PCDH15: variants seen among roughly 807,000 people sequenced by gnomAD.
The protein encoded by PCDH15 is protocadherin-15.
A neutral mutation model predicts 178.5 loss-of-function variants in PCDH15; 129 were observed. The ratio of observed to expected loss-of-function variants is 0.72; its 90% CI spans 0.63 to 0.84. The LOEUF is 0.84. Ranked by LOEUF, PCDH15 falls within the 40% of genes least tolerant of loss-of-function variation. PCDH15 has a pLI of 0.00. For missense variants in PCDH15, 2,230 were observed against 2,099.9 expected, an observed-to-expected ratio of 1.06 and a Z score of -1.21; for synonymous variants, 800 against 732.0, an observed-to-expected ratio of 1.09 and a Z score of -1.50.
chr10:55,146,179 G>A (rs1190171996), intron 2 of PCDH15, among the ~76,000 whole-genome samples: 2 of 152,020 alleles, frequency 1.3e-5, no homozygotes, highest in South Asian at 2.1e-4. Context: ...AGCAATCCTC[G>A]TGGTTAACAG....
chr10:53,892,314 T>C (rs2081628113), intron 26 of PCDH15, among the ~76,000 whole-genome samples: 1 of 152,102 alleles, frequency 6.6e-6, no homozygotes, highest in African/African-American at 2.4e-5. Context: ...CGTGAGCCAC[T>C]GGGACCGGCC....
chr10:54,093,636 C>T (rs919278908), intron 15 of PCDH15, among the ~76,000 whole-genome samples: 2 of 152,134 alleles, frequency 1.3e-5, no homozygotes, highest in Non-Finnish European at 2.9e-5. Flanking sequence ...ATAAATCTAA[C>T]CAGCCATCTC....
chr10:55,067,696 C>A (rs1841602236), intron 2 of PCDH15, among the ~76,000 whole-genome samples: 1 of 146,282 alleles, frequency 6.8e-6, no homozygotes, highest in African/African-American at 2.6e-5. Flanking sequence ...TACTAATTTA[C>A]ATTACCACCA....
chr10:54,651,801 G>C (rs979393496), intron 2 of PCDH15, among the ~76,000 whole-genome samples: 1 of 152,172 alleles, frequency 6.6e-6, no homozygotes, highest in Admixed American at 6.5e-5. Context: ...ACTGCCCAGA[G>C]ATAGTTATAC....
chr10:54,707,447 T>A (rs1265434951), intron 1 of PCDH15, among the ~76,000 whole-genome samples: 1 of 152,174 alleles, frequency 6.6e-6, no homozygotes, highest in Non-Finnish European at 1.5e-5. Context: ...AAACAACTAC[T>A]TCTGTCCAGT....
intron 21 of PCDH15, among the ~76,000 whole-genome samples, chr10:53,979,137 T>C (rs971467440): frequency 2.0e-5 from 3 of 152,302 alleles, no homozygotes; most frequent in African/African-American, 7.2e-5. Flanking sequence ...CACACTGCTA[T>C]GGGGACATAC....
chr10:54,206,640 T>G (rs2134031112), intron 10 of PCDH15, among the ~76,000 whole-genome samples: 1 of 152,194 alleles, frequency 6.6e-6, no homozygotes, highest in African/African-American at 2.4e-5. Flanking sequence ...AAAAAATCAT[T>G]AACATAAAAA....
chr10:54,839,022 C>A (rs1953370761), intron 3 of PCDH15, among the ~76,000 whole-genome samples: 1 of 152,108 alleles, frequency 6.6e-6, no homozygotes, highest in Non-Finnish European at 1.5e-5. Flanking sequence ...CCCTGAGAAT[C>A]CAACAAGAAG....
At chr10:55,059,507 A>G (rs2131997367) in intron 2 of PCDH15, among the ~76,000 whole-genome samples, 1 of 152,280 alleles carries the variant, frequency 6.6e-6, no homozygotes, top group South Asian at 2.1e-4. Context: ...TAAACAAAAT[A>G]CATTATTTGA....
At chr10:54,695,232 A>G (rs1185637845) in intron 1 of PCDH15, among the ~76,000 whole-genome samples, 1 of 152,144 alleles carries the variant, frequency 6.6e-6, no homozygotes, top group African/African-American at 2.4e-5. Flanking sequence ...AAAACAAAAC[A>G]GTCTGATTGT....
intron 2 of PCDH15, among the ~76,000 whole-genome samples, chr10:54,939,218 GGCGTGGTGGCTCACGCCC>G (rs1448256482): frequency 6.6e-6 from 1 of 151,848 alleles, no homozygotes; most frequent in African/African-American, 2.4e-5. Context: ...ATGTAGGCCG[GGCGTGGTGGCTCACGCCC>G]GTAATCCCAG....
At chr10:54,991,100 T>C (rs998475697) in intron 2 of PCDH15, among the ~76,000 whole-genome samples, 3 of 152,192 alleles carry the variant, frequency 2.0e-5, no homozygotes, top group African/African-American at 4.8e-5. Flanking sequence ...TTACATTCTA[T>C]TGGACATGAT....
At chr10:53,971,645 C>T (rs1398005203) in intron 21 of PCDH15, among the ~76,000 whole-genome samples, 2 of 151,798 alleles carry the variant, frequency 1.3e-5, no homozygotes, top group Non-Finnish European at 2.9e-5. Flanking sequence ...ACACCGATAA[C>T]AGACAAACAG....
At chr10:55,276,231 A>C (rs1220425631) in intron 1 of PCDH15, among the ~76,000 whole-genome samples, 2 of 150,878 alleles carry the variant, frequency 1.3e-5, no homozygotes, top group African/African-American at 2.4e-5. Context: ...AACTCTTAAG[A>C]TTCTCTAATA....
intron 2 of PCDH15, among the ~76,000 whole-genome samples, chr10:55,410,116 G>A (rs1838296501): frequency 6.6e-6 from 1 of 151,984 alleles, no homozygotes; most frequent in South Asian, 2.1e-4. Flanking sequence ...TATTATTATA[G>A]CTGATTTTTT....
At position 53,849,482 on chromosome 10, in the gene PCDH15, C is replaced by T. The variant is rs558145948; in HGVS notation, c.3806+7693G>A. Among the ~76,000 whole-genome samples, 3 of 152,172 alleles carry T rather than the reference C, an allele frequency of 2.0e-5. No homozygotes were observed. The South Asian group carries it at 6.2e-4, about 32-fold the overall frequency. ...ACATGTCAGCATACAGGACCCTTTA[C>T]GGAATCAATATGCAATGGAATCTTA... On this transcript the variant is annotated intron_variant, in intron 28 of 37. Transcript: ENST00000644397.
At position 54,321,981 on chromosome 10, in the gene PCDH15, C is replaced by T. The variant is rs866514432; in HGVS notation, c.706-4540G>A. 3.3e-5 allele frequency among the ~76,000 whole-genome samples: 5 copies of T among 151,938 alleles called. No individual in the cohort carries two copies. In the South Asian group the frequency reaches 8.3e-4, roughly 25 times the overall value. ...CATGCACACTCATAACTTGTGAGCC[C>T]ATAATGGTAATGCTAATTCATGATG... On this transcript the variant is annotated intron_variant, in intron 7 of 37. Transcript: ENST00000644397.
chr10:55,228,302 T>A (rs1252536596), intron 1 of PCDH15, among the ~76,000 whole-genome samples: 2 of 152,036 alleles, frequency 1.3e-5, no homozygotes, highest in African/African-American at 2.4e-5. Context: ...ACGTCAAGTG[T>A]TATTTTTAAA....
intron 2 of PCDH15, among the ~76,000 whole-genome samples, chr10:55,029,489 C>T (rs931619980): frequency 2.0e-5 from 3 of 151,942 alleles, no homozygotes; most frequent in African/African-American, 7.2e-5. Flanking sequence ...CTCAACACTT[C>T]TGTGCTGAGC....
Sources: gnomAD v4.1 joint callset for allele counts (sites outside exome capture counted in the v4.1 genomes callset) on GRCh38, gnomAD v4.1.1 for gene constraint, MANE v1.5 for transcripts, NCBI Gene and HGNC (gene_info 2026-07-23, HGNC 2026-07-21) for gene names.